MTHFD1L: variants seen among roughly 807,000 people sequenced by gnomAD.
The protein encoded by MTHFD1L is methylenetetrahydrofolate dehydrogenase (NADP+ dependent) 1 like, also known as monofunctional C1-tetrahydrofolate synthase, mitochondrial.
A neutral mutation model predicts 119.5 loss-of-function variants in MTHFD1L; 81 were observed. The ratio of observed to expected loss-of-function variants is 0.68; its 90% CI spans 0.57 to 0.82. MTHFD1L has a LOEUF of 0.82. Among genes scored for constraint, MTHFD1L ranks in the 40% least tolerant of loss-of-function variants. MTHFD1L has a pLI of 0.00. For missense variants in MTHFD1L, 1,125 were observed against 1,253.4 expected (o/e 0.90, Z 1.55); for synonymous variants, 430 against 475.2 (o/e 0.90, Z 1.24).
chr6:150,885,049 G>A (rs77095117), intron 5 of MTHFD1L, among the ~76,000 whole-genome samples: 6,326 of 152,184 alleles, frequency 0.042, 451 homozygotes, highest in African/African-American at 0.14. Flanking sequence ...GCCCTGTATG[G>A]CTTTAGGCTG....
chr6:150,899,455 A>G lies in MTHFD1L; in HGVS notation c.781-6195A>G, dbSNP rs1476874375. 2.6e-5 allele frequency among the ~76,000 whole-genome samples: 4 copies of G among 152,228 alleles called. No homozygotes were observed. The East Asian group carries it at 7.7e-4, about 29-fold the overall frequency. On this transcript the variant is annotated intron_variant, in intron 7 of 27. Coordinates refer to ENST00000367321, the MANE Select transcript of MTHFD1L (RefSeq NM_015440.5). ...AAGTGGGTAAAATACCTTTTGCTGCAATTGTCATCCCCTTATCTTGCCAAA... is the reference window on the plus strand; with the variant it reads ...AAGTGGGTAAAATACCTTTTGCTGCGATTGTCATCCCCTTATCTTGCCAAA...
chr6:151,022,273 C>T (rs1784045948), intron 24 of MTHFD1L: 1 of 315,592 alleles, frequency 3.2e-6, no homozygotes. Context: ...CTGGAACCTA[C>T]ACCAGTTGTT....
At chr6:150,924,295 A>T (rs901885194) in intron 10 of MTHFD1L, among the ~76,000 whole-genome samples, 1 of 152,030 alleles carries the variant, frequency 6.6e-6, no homozygotes, top group African/African-American at 2.4e-5. Flanking sequence ...ATCTCTGCTC[A>T]TTGTAACCTT....
chr6:150,972,146 C>A, intron 20 of MTHFD1L, 88 bp downstream of exon 20: 3 of 1,134,802 alleles, frequency 2.6e-6, no homozygotes, highest in Non-Finnish European at 3.9e-6. Context: ...TCCATCCTGA[C>A]ATGAAACATA....
intron 8 of MTHFD1L, among the ~76,000 whole-genome samples, chr6:150,917,092 A>T (rs1160842272): frequency 1.3e-5 from 2 of 150,998 alleles, no homozygotes; most frequent in Non-Finnish European, 3.0e-5. Flanking sequence ...GAGAATTTTT[A>T]AATTATCAAA....
intron 8 of MTHFD1L, among the ~76,000 whole-genome samples, chr6:150,913,744 A>G (rs2128874016): frequency 6.6e-6 from 1 of 152,198 alleles, no homozygotes; most frequent in Middle Eastern, 3.4e-3. Context: ...TTGTAATCCC[A>G]GCACTTTGGG....
At chr6:150,942,744 A>G (rs536219551) in intron 13 of MTHFD1L, among the ~76,000 whole-genome samples, 6 of 151,922 alleles carry the variant, frequency 3.9e-5, no homozygotes, top group African/African-American at 1.2e-4. Flanking sequence ...AAATATATAT[A>G]CATATGTAAT....
At chr6:151,092,386 G>A (rs1335881669) in intron 26 of MTHFD1L, 81 bp from the exon 27 acceptor site, 4 of 1,046,096 alleles carry the variant, frequency 3.8e-6, no homozygotes, top group Admixed American at 2.0e-5. Context: ...TGTATTGAAC[G>A]ATAGAGTTAA....
chr6:151,038,922 G>T (rs13214952), intron 26 of MTHFD1L, among the ~76,000 whole-genome samples: 90,697 of 151,940 alleles, frequency 0.6, 28,930 homozygotes, highest in Non-Finnish European at 0.72. Flanking sequence ...GGCTTGAACA[G>T]AGAGAGCTCA....
chr6:151,073,794 G>A (rs1404140644), intron 26 of MTHFD1L, among the ~76,000 whole-genome samples: 1 of 152,086 alleles, frequency 6.6e-6, no homozygotes, highest in African/African-American at 2.4e-5. Flanking sequence ...ACAGAAAAAG[G>A]CTGAAAAGAA....
intron 20 of MTHFD1L, among the ~76,000 whole-genome samples, chr6:150,984,172 G>A (rs1373688962): frequency 1.3e-5 from 2 of 152,110 alleles, no homozygotes; most frequent in Non-Finnish European, 2.9e-5. Context: ...TACCTTCAAT[G>A]TACTTACTGG....
intron 26 of MTHFD1L, among the ~76,000 whole-genome samples, chr6:151,077,945 G>A (rs111980254): frequency 0.012 from 1,773 of 149,608 alleles, 16 homozygotes; most frequent in Non-Finnish European, 0.018. Flanking sequence ...CAGCTACTCC[G>A]GAGAGGCTGA....
At chr6:150,884,385 C>T (rs1183770551) in intron 5 of MTHFD1L, among the ~76,000 whole-genome samples, 1 of 152,022 alleles carries the variant, frequency 6.6e-6, no homozygotes, top group Admixed American at 6.5e-5. Flanking sequence ...CGTGACCCGC[C>T]TGCCTCGGCC....
At chr6:150,893,375 T>C (rs1414699078) in intron 7 of MTHFD1L, among the ~76,000 whole-genome samples, 1 of 152,160 alleles carries the variant, frequency 6.6e-6, no homozygotes. Flanking sequence ...CACATGGGGA[T>C]TTTTGTTGCC....
intron 1 of MTHFD1L, among the ~76,000 whole-genome samples, chr6:150,873,011 C>T (rs1268780604): frequency 6.6e-6 from 1 of 151,908 alleles, no homozygotes; most frequent in Non-Finnish European, 1.5e-5. Flanking sequence ...CGATTGCCGA[C>T]TTACCTATAG....
chr6:151,070,979 A>G (rs528787429), intron 26 of MTHFD1L, among the ~76,000 whole-genome samples: 10 of 152,300 alleles, frequency 6.6e-5, no homozygotes, highest in African/African-American at 1.9e-4. Flanking sequence ...CAGGGAGGAG[A>G]AGCAACTGGT....
intron 26 of MTHFD1L, among the ~76,000 whole-genome samples, chr6:151,089,401 A>G (rs1794167009): frequency 6.6e-6 from 1 of 152,170 alleles, no homozygotes; most frequent in Non-Finnish European, 1.5e-5. Flanking sequence ...CAGGAGTTTG[A>G]GACCAGCCTA....
At chr6:151,057,987 G>A (rs968682777) in intron 26 of MTHFD1L, among the ~76,000 whole-genome samples, 3 of 152,006 alleles carry the variant, frequency 2.0e-5, no homozygotes, top group Admixed American at 1.3e-4. Flanking sequence ...ATATTGGCCA[G>A]ACTGGTCTCA....
At chr6:150,904,412 G>C (rs555335024) in intron 7 of MTHFD1L, among the ~76,000 whole-genome samples, 10 of 152,242 alleles carry the variant, frequency 6.6e-5, no homozygotes, top group Admixed American at 2.0e-4. Flanking sequence ...GAATCTCTAA[G>C]ACTGAATTCA....
Sources: gnomAD v4.1 joint callset for allele counts (sites outside exome capture counted in the v4.1 genomes callset) on GRCh38, gnomAD v4.1.1 for gene constraint, MANE v1.5 for transcripts, NCBI Gene and HGNC (gene_info 2026-07-23, HGNC 2026-07-21) for gene names.